Variants in CERS5 observed in about 807,000 individuals in gnomAD.
CERS5 encodes the protein LAG1 homolog, ceramide synthase 5.
Under a neutral mutation model 58.9 loss-of-function variants are expected in CERS5, and 37 were observed. The ratio of observed to expected loss-of-function variants is 0.63; its 90% confidence interval spans 0.48 to 0.83. The LOEUF is 0.83. Ranked by LOEUF, CERS5 falls within the 40% of genes least tolerant of loss-of-function variation. The pLI is 0.00. For synonymous variants in CERS5, 147 were observed against 177.8 expected (o/e 0.83, Z 1.38); for missense variants, 398 against 489.3 (o/e 0.81, Z 1.76).
intron 1 of CERS5, among the ~76,000 whole-genome samples, chr12:50,158,960 C>T (rs1938960009): frequency 6.6e-6 from 1 of 152,078 alleles, no homozygotes; most frequent in Admixed American, 6.6e-5. Flanking sequence ...ATCATTAACA[C>T]CGAGAAGATA....
chr12:50,154,719 G>A (rs985357677), intron 1 of CERS5, among the ~76,000 whole-genome samples: 7 of 151,464 alleles, frequency 4.6e-5, no homozygotes, highest in Admixed American at 2.6e-4. Context: ...TGTGGAGAAC[G>A]AGGTCTTGCT....
At position 50,148,556 on chromosome 12, in the gene CERS5, C is replaced by T. The variant is rs962809848; in HGVS notation, c.198-4499G>A. 1.7e-5 allele frequency: 6 copies of T among 347,108 alleles called. No homozygotes were observed. The Admixed American group carries it at 1.8e-4, about 11-fold the overall frequency. 21.5% of individuals were successfully genotyped at this position (347,108 alleles called of 1,614,324 possible). On this transcript the variant is annotated intron_variant, in intron 1 of 9. Transcript: ENST00000317551. ...AGGTTGCAGTGAGCTGAGATCTCAC[C>T]ACTGCACTCCAGTCTGGGCGACAAA...
intron 1 of CERS5, among the ~76,000 whole-genome samples, chr12:50,157,136 G>C (rs1938747911): frequency 6.6e-6 from 1 of 152,066 alleles, no homozygotes; most frequent in Non-Finnish European, 1.5e-5. Flanking sequence ...TCTTTCTCTT[G>C]TGCTGGACTC....
chr12:50,143,301 G>T, intron 2 of CERS5, 97 bp from the exon 3 acceptor site: 2 of 1,409,314 alleles, frequency 1.4e-6, no homozygotes, highest in East Asian at 2.3e-5. Context: ...AGCCATAAGT[G>T]GCTCAAGTGA....
intron 1 of CERS5, among the ~76,000 whole-genome samples, chr12:50,155,733 T>C (rs1938504475): frequency 4.3e-5 from 1 of 23,208 alleles, no homozygotes; most frequent in African/African-American, 1.5e-4. Context: ...CGAGACTCCA[T>C]CTCAAAAAAA....
At chr12:50,133,875 C>T (rs1467096474) in intron 9 of CERS5, 4 of 452,816 alleles carry the variant, frequency 8.8e-6, no homozygotes, top group Non-Finnish European at 1.2e-5. Context: ...AGTTAGAGAC[C>T]AGCCTGGCCA....
At chr12:50,140,284 A>ATATT (rs1951898319) in intron 4 of CERS5, among the ~76,000 whole-genome samples, 1 of 96,246 alleles carries the variant, frequency 1.0e-5, no homozygotes, top group Non-Finnish European at 1.9e-5. Flanking sequence ...TAACTTCCAA[A>ATATT]TTTTTTTTTT....
chr12:50,138,449 C>G lies in CERS5; in HGVS notation c.543+118G>C, dbSNP rs1194366349. ...TGAATATGACTTAAAGGGACTCAGT[C>G]CCTAATCCCTCAATCCCAAGGAAAC... On this transcript the variant is annotated intron_variant, in intron 5 of 9. Coordinates refer to ENST00000317551, the MANE Select transcript of CERS5 (RefSeq NM_147190.5). 43 of 854,588 alleles carry G rather than the reference C, an allele frequency of 5.0e-5. 1 individual carries two copies. Among genetic ancestry groups the G allele is most frequent in the South Asian group, 4.4e-4 (33 of 74,504 alleles). The allele number at this position is 854,588 out of a possible 1,614,324, so 52.9% of individuals were successfully genotyped here.
chr12:50,158,667 G>A (rs935489426), intron 1 of CERS5, among the ~76,000 whole-genome samples: 1 of 152,074 alleles, frequency 6.6e-6, no homozygotes, highest in African/African-American at 2.4e-5. Flanking sequence ...CTGATTTCTG[G>A]GGAATCAGTA....
chr12:50,132,962 A>C (rs1351441225), intron 9 of CERS5: 29 of 1,289,076 alleles, frequency 2.2e-5, no homozygotes, highest in Non-Finnish European at 2.9e-5. Flanking sequence ...ATACACTTAC[A>C]TGCAAGAGAT....
intron 9 of CERS5, chr12:50,133,264 T>A: frequency 9.0e-7 from 1 of 1,108,998 alleles, no homozygotes; most frequent in Non-Finnish European, 1.1e-6. Context: ...CTTGGGATTC[T>A]GTATTCCTTT....
At chr12:50,143,508 G>A in intron 2 of CERS5, 1 of 305,664 alleles carries the variant, frequency 3.3e-6, no homozygotes, top group South Asian at 5.5e-5. Flanking sequence ...GATTTTTGAA[G>A]GCTGAGGGCC....
At position 50,134,617 on chromosome 12, in the gene CERS5, G is replaced by A. The variant is rs1565767220; in HGVS notation, c.958C>T (p.Leu320=). ...GACCAGATGACATGCAGAAGCTGTA[G>A]GGTCAGCAGCAGGCCATTGAGGAGC... The part of the protein sequence containing the change: ...WWLLNGLLLT[L]QLLHVIWSYL... The change falls in exon 9 of 10, where the codon CTA becomes TTA. Residue 320 remains leucine (L), a synonymous_variant. Coordinates refer to ENST00000317551, the MANE Select transcript of CERS5 (RefSeq NM_147190.5). The A allele has an allele frequency of 1.2e-6, 2 of 1,614,182 alleles. No homozygotes were observed. Among genetic ancestry groups the A allele is most frequent in the Non-Finnish European group, 8.5e-7 (1 of 1,180,022 alleles).
At chr12:50,135,912 A>T (rs1368205619) in intron 7 of CERS5, 29 bp downstream of exon 7, 3 of 1,571,278 alleles carry the variant, frequency 1.9e-6, no homozygotes, top group South Asian at 2.4e-5. Flanking sequence ...GAGAAGAAGA[A>T]GATGGAGAAA....
In CERS5 at chr12:50,166,841, A is replaced by G. The variant is rs974360516; in HGVS notation, c.197+260T>C. On this transcript the variant is annotated intron_variant, in intron 1 of 9. Coordinates refer to ENST00000317551, the MANE Select transcript of CERS5 (RefSeq NM_147190.5). ...GGAGGAGGCCTATATGACCCCCCCA[A>G]TCCAACTCCGGATCTAACATTGAAG... 4.6e-5 allele frequency among the ~76,000 whole-genome samples: 7 copies of G among 151,948 alleles called. No homozygotes were observed. The South Asian group carries it at 1.2e-3, about 27-fold the overall frequency.
At chr12:50,146,166 A>T (rs899619988) in intron 1 of CERS5, among the ~76,000 whole-genome samples, 1 of 152,192 alleles carries the variant, frequency 6.6e-6, no homozygotes, top group African/African-American at 2.4e-5. Flanking sequence ...CAGCTGAAAG[A>T]CCTTGTGACT....
chr12:50,140,281 CA>C, intron 4 of CERS5, among the ~76,000 whole-genome samples: 8 of 115,750 alleles, frequency 6.9e-5, no homozygotes, highest in African/African-American at 2.6e-4. Flanking sequence ...GTTTAACTTC[CA>C]AATTTTTTTT....
intron 1 of CERS5, among the ~76,000 whole-genome samples, chr12:50,150,614 C>T (rs1937856144): frequency 6.6e-6 from 1 of 151,964 alleles, no homozygotes; most frequent in South Asian, 2.1e-4. Flanking sequence ...GGAATATAAA[C>T]TTAAAAGAGA....
intron 1 of CERS5, among the ~76,000 whole-genome samples, chr12:50,146,846 CAAAA>C (rs10714679): frequency 9.5e-6 from 1 of 104,960 alleles, no homozygotes; most frequent in African/African-American, 3.6e-5. Context: ...GACTCCGTCT[CAAAA>C]AAAAAAAAAA....
Sources: gnomAD v4.1 joint callset for allele counts (sites outside exome capture counted in the v4.1 genomes callset) on GRCh38, gnomAD v4.1.1 for gene constraint, MANE v1.5 for transcripts, NCBI Gene and HGNC (gene_info 2026-07-23, HGNC 2026-07-21) for gene names.